The following TDRD3 variants were observed in gnomAD, a reference collection of about 807,000 sequenced individuals.
The protein encoded by TDRD3 is tudor domain containing 3.
Under a neutral mutation model 86.7 loss-of-function variants are expected in TDRD3, and 45 were observed. The ratio of observed to expected loss-of-function variants is 0.52; its 90% confidence interval spans 0.41 to 0.67. The LOEUF is 0.67. Ranked by LOEUF, TDRD3 falls within the 30% of genes least tolerant of loss-of-function variation. The pLI is 0.00. For missense variants in TDRD3, 814 were observed against 889.0 expected (o/e 0.92, Z 1.07); for synonymous variants, 298 against 301.7 (o/e 0.99, Z 0.13).
intron 1 of TDRD3, 46 bp downstream of exon 1, chr13:60,397,451 G>C: frequency 6.8e-7 from 1 of 1,461,648 alleles, no homozygotes; most frequent in Non-Finnish European, 9.0e-7. Context: ...GTGCGGGCCG[G>C]GGCCCCAGGG....
At chr13:60,480,215 A>G (rs1202797998) in intron 5 of TDRD3, among the ~76,000 whole-genome samples, 1 of 152,264 alleles carries the variant, frequency 6.6e-6, no homozygotes, top group Middle Eastern at 3.4e-3. Context: ...TAGCATTTGC[A>G]TGTCTGAAAA....
At chr13:60,466,979 T>G (rs796104947) in intron 4 of TDRD3, among the ~76,000 whole-genome samples, 10 of 138,952 alleles carry the variant, frequency 7.2e-5, no homozygotes, top group Non-Finnish European at 5.0e-5. Context: ...TGTGTGTTTT[T>G]TTGTTTTTTT....
At chr13:60,416,997 TA>T (rs767473302) in intron 1 of TDRD3, among the ~76,000 whole-genome samples, 6 of 152,070 alleles carry the variant, frequency 3.9e-5, no homozygotes, top group Non-Finnish European at 5.9e-5. Context: ...CTTCTGACTT[TA>T]ACTGATCAGT....
chr13:60,439,868 A>G (rs1955214541), intron 2 of TDRD3, 96 bp downstream of exon 2: 2 of 705,736 alleles, frequency 2.8e-6, no homozygotes, highest in Non-Finnish European at 2.2e-6. Context: ...TAACAAATAT[A>G]GAGAACATCT....
chr13:60,396,312 A>C (rs948148979), upstream of TDRD3: 2 of 152,230 alleles, frequency 1.3e-5, no homozygotes, highest in African/African-American at 2.4e-5. Flanking sequence ...AAGAAGGTGG[A>C]GCAAACTTTT....
At chr13:60,420,200 AAG>A (rs1042476079) in intron 1 of TDRD3, among the ~76,000 whole-genome samples, 1 of 152,168 alleles carries the variant, frequency 6.6e-6, no homozygotes, top group Admixed American at 6.5e-5. Context: ...CAACAACAAA[AAG>A]AAATTGGATT....
At chr13:60,436,355 A>G (rs1229488784) in intron 1 of TDRD3, among the ~76,000 whole-genome samples, 2 of 151,786 alleles carry the variant, frequency 1.3e-5, no homozygotes, top group Non-Finnish European at 2.9e-5. Context: ...GAGTTTTCCA[A>G]TGTTTAGAAT....
rs138270377 is a variant in TDRD3 at position 60,474,119 on chromosome 13, C to T, written c.495+6740C>T. 3.1e-3 allele frequency among the ~76,000 whole-genome samples: 468 copies of T among 152,250 alleles called. 2 individuals are homozygous for T. The highest frequency in any genetic ancestry group is 0.011 in the African/African-American group (443 of 41,558). On this transcript the variant is annotated intron_variant, in intron 5 of 13. Coordinates refer to ENST00000377881, the MANE Select transcript of TDRD3 (RefSeq NM_001146070.2). ...GGCTCCACCTTTTAGATAGCAGTAGCAGAATTAGTGAAAGTACTAAAAGTC... is the reference window on the plus strand; with the variant it reads ...GGCTCCACCTTTTAGATAGCAGTAGTAGAATTAGTGAAAGTACTAAAAGTC...
At chr13:60,427,222 C>T (rs1954834372) in intron 1 of TDRD3, among the ~76,000 whole-genome samples, 1 of 152,130 alleles carries the variant, frequency 6.6e-6, no homozygotes, top group Non-Finnish European at 1.5e-5. Flanking sequence ...GCATCAGGTT[C>T]ATCTTGGCAT....
chr13:60,553,340 C>T (rs1362033726), intron 12 of TDRD3, among the ~76,000 whole-genome samples: 2 of 152,134 alleles, frequency 1.3e-5, no homozygotes, highest in African/African-American at 4.8e-5. Flanking sequence ...CAACAAGTCT[C>T]TAGGAAGTTC....
At chr13:60,502,481 T>A (rs1017346924) in intron 8 of TDRD3, among the ~76,000 whole-genome samples, 2 of 152,244 alleles carry the variant, frequency 1.3e-5, no homozygotes, top group African/African-American at 2.4e-5. Context: ...AGTCTTATAC[T>A]TGGCCTGATT....
At chr13:60,401,283 TGAATAAA>T (rs1954093546) in intron 1 of TDRD3, among the ~76,000 whole-genome samples, 1 of 151,894 alleles carries the variant, frequency 6.6e-6, no homozygotes, top group Non-Finnish European at 1.5e-5. Context: ...AAAAATAATA[TGAATAAA>T]AAATAAAATA....
chr13:60,490,042 G>C (rs1438543412), intron 7 of TDRD3, among the ~76,000 whole-genome samples: 2 of 132,872 alleles, frequency 1.5e-5, no homozygotes, highest in Non-Finnish European at 3.1e-5. Context: ...GATAATTAAA[G>C]CATCTTAGTT....
At chr13:60,422,686 G>C (rs1021630079) in intron 1 of TDRD3, among the ~76,000 whole-genome samples, 2 of 151,802 alleles carry the variant, frequency 1.3e-5, no homozygotes, top group African/African-American at 2.4e-5. Flanking sequence ...GATACCCAAG[G>C]GAAAATGGAC....
At chr13:60,426,186 A>G (rs1954801412) in intron 1 of TDRD3, among the ~76,000 whole-genome samples, 1 of 152,226 alleles carries the variant, frequency 6.6e-6, no homozygotes, top group Admixed American at 6.5e-5. Flanking sequence ...AAAGAAAAGT[A>G]TTATGTGATC....
chr13:60,549,432 T>C lies in TDRD3; in HGVS notation c.2118+14199T>C, dbSNP rs190162845. On this transcript the variant is annotated intron_variant, in intron 12 of 13. Coordinates refer to ENST00000377881, the MANE Select transcript of TDRD3 (RefSeq NM_001146070.2). Reference sequence around the variant, plus strand: ...AGTATTGGAAAATGCCCTATAAAGCTGGTTTTAGCTTCTGCTGGTAACATT... The same window carrying C: ...AGTATTGGAAAATGCCCTATAAAGCCGGTTTTAGCTTCTGCTGGTAACATT... Among the ~76,000 whole-genome samples, 1,110 of 152,240 alleles carry C rather than the reference T, an allele frequency of 7.3e-3. 4 individuals carry two copies. The highest frequency in any genetic ancestry group is 0.011 in the Non-Finnish European group (748 of 67,952).
At chr13:60,562,334 A>G in intron 12 of TDRD3, among the ~76,000 whole-genome samples, 1 of 151,946 alleles carries the variant, frequency 6.6e-6, no homozygotes, top group East Asian at 1.9e-4. Context: ...CCCCCGGCAA[A>G]AAAAAAGAAA....
At chr13:60,432,934 G>T (rs982972613) in intron 1 of TDRD3, among the ~76,000 whole-genome samples, 1 of 152,064 alleles carries the variant, frequency 6.6e-6, no homozygotes. Flanking sequence ...TCAGGTGTAG[G>T]TTAGAACCCC....
At chr13:60,534,815 C>T (rs1957662796) in intron 11 of TDRD3, among the ~76,000 whole-genome samples, 1 of 150,340 alleles carries the variant, frequency 6.7e-6, no homozygotes, top group African/African-American at 2.5e-5. Flanking sequence ...GTAGTCCCAG[C>T]TTCTCAAGAG....
Sources: gnomAD v4.1 joint callset for allele counts (sites outside exome capture counted in the v4.1 genomes callset) on GRCh38, gnomAD v4.1.1 for gene constraint, MANE v1.5 for transcripts, NCBI Gene and HGNC (gene_info 2026-07-23, HGNC 2026-07-21) for gene names.